SDK2: variants seen among roughly 807,000 people sequenced by gnomAD.
SDK2 encodes sidekick cell adhesion molecule 2, also known as protein sidekick-2.
In SDK2, 105 loss-of-function variants were observed where a neutral mutation model predicts 253.9. The ratio of observed to expected loss-of-function variants is 0.41; its 90% CI spans 0.35 to 0.49. SDK2 has a LOEUF of 0.49. Among genes scored for constraint, SDK2 ranks in the 20% least tolerant of loss-of-function variants. The pLI is 0.06. For missense variants in SDK2, 2,608 were observed against 3,003.0 expected (o/e 0.87, Z 3.07); for synonymous variants, 1,249 against 1,234.9 (o/e 1.01, Z -0.24).
chr17:73,468,883 G>A (rs1194742648), intron 3 of SDK2, among the ~76,000 whole-genome samples: 1 of 151,778 alleles, frequency 6.6e-6, no homozygotes, highest in African/African-American at 2.4e-5. Context: ...GGAGTGCAGT[G>A]GCATGATCTT....
At position 73,457,929 on chromosome 17, in the gene SDK2, T is replaced by A. The variant is rs372819260; in HGVS notation, c.332-1876A>T. Among the ~76,000 whole-genome samples, 112 of 152,266 alleles carry A rather than the reference T, an allele frequency of 7.4e-4. 2 individuals are homozygous for A. In the South Asian group the frequency reaches 0.022, roughly 30 times the overall value. On this transcript the variant is annotated intron_variant, in intron 3 of 44. Coordinates refer to ENST00000392650, the MANE Select transcript of SDK2 (RefSeq NM_001144952.2). ...TAGCAACCTTGAGGACCCTTTAATATTCCCAGAGGTGAGAATCTTTTGGGG... is the reference window on the plus strand; with the variant it reads ...TAGCAACCTTGAGGACCCTTTAATAATCCCAGAGGTGAGAATCTTTTGGGG...
chr17:73,390,462 C>T lies in SDK2; in HGVS notation c.4017G>A (p.Arg1339=), dbSNP rs776441593. The T allele has an allele frequency of 1.9e-6, 3 of 1,611,936 alleles. No homozygotes were observed. The highest frequency in any genetic ancestry group is 2.5e-6 in the Non-Finnish European group (3 of 1,178,972). Residue 1339 remains arginine (R), a synonymous_variant, in exon 29 of 45, where the codon CGG becomes CGA. Transcript: ENST00000392650. ...GIILAYQITH[R]LNTTTANTAT... is the part of the protein sequence containing the mutation. ...CGGTGTTGGCCGTGGTGGTGTTGAG[C>T]CGGTGTGTGATCTGGTAAGCTGTGG... is the stretch of plus-strand genomic sequence containing the variant.
At chr17:73,594,905 TACAC>T (rs1008784942) in intron 1 of SDK2, among the ~76,000 whole-genome samples, 4 of 151,506 alleles carry the variant, frequency 2.6e-5, no homozygotes, top group South Asian at 2.1e-4. Context: ...CATATACAAA[TACAC>T]ACAGCACACA....
At chr17:73,367,690 G>A (rs755554133) in intron 37 of SDK2, among the ~76,000 whole-genome samples, 11 of 152,046 alleles carry the variant, frequency 7.2e-5, no homozygotes, top group Non-Finnish European at 8.8e-5. Context: ...TTTTAGTAGA[G>A]ACAGGGTGTC....
intron 1 of SDK2, among the ~76,000 whole-genome samples, chr17:73,523,502 C>T (rs965109709): frequency 3.3e-5 from 5 of 151,650 alleles, no homozygotes; most frequent in East Asian, 1.9e-4. Flanking sequence ...ATGAGAAACA[C>T]GCAAGGAGAA....
intron 1 of SDK2, among the ~76,000 whole-genome samples, chr17:73,535,015 C>G (rs1426499295): frequency 6.6e-6 from 1 of 152,158 alleles, no homozygotes; most frequent in South Asian, 2.1e-4. Context: ...AAGGAGCCCC[C>G]AGGACATCCT....
chr17:73,561,931 GC>G (rs1260324933), intron 1 of SDK2, among the ~76,000 whole-genome samples: 1 of 152,178 alleles, frequency 6.6e-6, no homozygotes, highest in African/African-American at 2.4e-5. Context: ...TTCGAGACCA[GC>G]CTGATCAACA....
intron 2 of SDK2, among the ~76,000 whole-genome samples, chr17:73,476,693 C>T (rs116076281): frequency 1.2e-4 from 18 of 152,310 alleles, no homozygotes; most frequent in African/African-American, 4.3e-4. Flanking sequence ...TCCTAGCTCA[C>T]TGTAACTTCA....
rs147008190 is a variant in SDK2 at position 73,433,716 on chromosome 17, G to A, written c.1312+16C>T. ...CTATCACCCAGCCACACTCTCTGAA[G>A]GTGTGTTCCATCTACCTTTCTGCCA... is the stretch of plus-strand genomic sequence containing the variant. On this transcript the variant is annotated intron_variant, in intron 10 of 44. Coordinates refer to ENST00000392650, the MANE Select transcript of SDK2 (RefSeq NM_001144952.2). The A allele has an allele frequency of 2.9e-4, 442 of 1,548,694 alleles. 2 individuals are homozygous for A. In the East Asian group the frequency reaches 9.9e-3, roughly 35 times the overall value.
chr17:73,556,683 T>C (rs1485414968), intron 1 of SDK2, among the ~76,000 whole-genome samples: 1 of 152,252 alleles, frequency 6.6e-6, no homozygotes, highest in Non-Finnish European at 1.5e-5. Context: ...TTTCCGGTTT[T>C]GAAAGGACTT....
intron 1 of SDK2, among the ~76,000 whole-genome samples, chr17:73,532,543 G>T (rs1423500530): frequency 6.6e-6 from 1 of 152,234 alleles, no homozygotes; most frequent in Non-Finnish European, 1.5e-5. Context: ...TCCTCCAGGA[G>T]CCAGGGCGGA....
chr17:73,384,563 G>A (rs1459170051), intron 32 of SDK2, among the ~76,000 whole-genome samples: 1 of 152,196 alleles, frequency 6.6e-6, no homozygotes, highest in Non-Finnish European at 1.5e-5. Context: ...CTGCAGAACC[G>A]GCTTCGGGAG....
chr17:73,341,905 C>T (rs924230047), intron 44 of SDK2, among the ~76,000 whole-genome samples: 3 of 152,210 alleles, frequency 2.0e-5, no homozygotes, highest in Non-Finnish European at 4.4e-5. Flanking sequence ...ACCTGAGCAC[C>T]GACGCTGCCT....
At chr17:73,401,820 G>T in intron 19 of SDK2, 68 bp from the exon 20 acceptor site, 1 of 1,460,340 alleles carries the variant, frequency 6.8e-7, no homozygotes, top group Non-Finnish European at 9.4e-7. Context: ...CCATCTGTGA[G>T]ATAGCCTGTG....
At chr17:73,631,494 G>T (rs1223742894) in intron 1 of SDK2, among the ~76,000 whole-genome samples, 1 of 152,224 alleles carries the variant, frequency 6.6e-6, no homozygotes, top group South Asian at 2.1e-4. Context: ...TCAAGCCAGG[G>T]CAGCCAGAGA....
intron 1 of SDK2, among the ~76,000 whole-genome samples, chr17:73,632,093 C>T (rs1388460132): frequency 6.6e-6 from 1 of 152,264 alleles, no homozygotes; most frequent in Non-Finnish European, 1.5e-5. Context: ...GCCGTATCCT[C>T]ACTCCCACCA....
chr17:73,630,709 A>C (rs943610647), intron 1 of SDK2, among the ~76,000 whole-genome samples: 1 of 152,148 alleles, frequency 6.6e-6, no homozygotes. Flanking sequence ...GGGAGGTGGC[A>C]GGCCTGGGGG....
intron 31 of SDK2, 89 bp from the exon 32 acceptor site, chr17:73,386,006 A>C: frequency 2.1e-6 from 2 of 933,942 alleles, no homozygotes; most frequent in Non-Finnish European, 3.2e-6. Context: ...CTAATACTGG[A>C]CTGCGGGGCA....
intron 1 of SDK2, among the ~76,000 whole-genome samples, chr17:73,533,730 C>T (rs2064189640): frequency 1.4e-5 from 2 of 142,608 alleles, no homozygotes; most frequent in Non-Finnish European, 3.1e-5. Flanking sequence ...TGGGCATCAC[C>T]AGCACCTTTC....
Sources: allele counts gnomAD v4.1 joint callset (sites outside exome capture counted in the v4.1 genomes callset), GRCh38; gene constraint gnomAD v4.1.1; transcripts MANE v1.5; gene names NCBI Gene and HGNC (gene_info 2026-07-23, HGNC 2026-07-21).